GRM1: variants seen among roughly 807,000 people sequenced by gnomAD.
GRM1 encodes metabotropic glutamate receptor 1.
Under a neutral mutation model 90.9 loss-of-function variants are expected in GRM1, and 33 were observed. The ratio of observed to expected loss-of-function variants is 0.36; its 90% CI spans 0.28 to 0.49. The LOEUF is 0.49. Ranked by LOEUF, GRM1 falls within the 20% of genes least tolerant of loss-of-function variation. The pLI is 0.99. For missense variants in GRM1, 1,190 were observed against 1,534.3 expected (o/e 0.78, Z 3.75); for synonymous variants, 700 against 613.2 (o/e 1.14, Z -2.09).
intron 5 of GRM1, among the ~76,000 whole-genome samples, chr6:146,382,149 G>C (rs915367612): frequency 6.6e-6 from 1 of 152,050 alleles, no homozygotes; most frequent in South Asian, 2.1e-4. Context: ...CTATGACTCA[G>C]AGTTGACATA....
chr6:146,170,282 G>T (rs2128894254), intron 2 of GRM1, among the ~76,000 whole-genome samples: 1 of 152,070 alleles, frequency 6.6e-6, no homozygotes, highest in East Asian at 1.9e-4. Flanking sequence ...GTTCATTCTT[G>T]CATATGTAGA....
At chr6:146,412,000 A>C (rs1466807153) in intron 7 of GRM1, among the ~76,000 whole-genome samples, 1 of 152,126 alleles carries the variant, frequency 6.6e-6, no homozygotes, top group African/African-American at 2.4e-5. Flanking sequence ...GTTCATTACA[A>C]ATTTAAGATG....
upstream of GRM1, among the ~76,000 whole-genome samples, chr6:146,028,941 G>A (rs1790601658): frequency 6.6e-6 from 1 of 152,150 alleles, no homozygotes; most frequent in African/African-American, 2.4e-5. Context: ...GGTTTTAGGG[G>A]ACCAGGAAAC....
intron 2 of GRM1, among the ~76,000 whole-genome samples, chr6:146,264,544 GGTTACATGTGTAGGTTT>G (rs887515233): frequency 9.9e-5 from 15 of 151,456 alleles, no homozygotes; most frequent in Non-Finnish European, 1.6e-4. Flanking sequence ...TAGATTCGGG[GGTTACATGTGTAGGTTT>G]GTTACATGTG....
chr6:146,058,214 G>T (rs145898468), intron 1 of GRM1, among the ~76,000 whole-genome samples: 106 of 152,132 alleles, frequency 7.0e-4, no homozygotes, highest in African/African-American at 2.4e-3. Flanking sequence ...CCTAGTCTCA[G>T]TATTCATGAT....
intron 2 of GRM1, among the ~76,000 whole-genome samples, chr6:146,301,413 C>T (rs942418327): frequency 1.3e-5 from 2 of 152,184 alleles, no homozygotes; most frequent in African/African-American, 4.8e-5. Flanking sequence ...TCACACTTTT[C>T]TCTCCTTCTA....
chr6:146,066,109 C>G (rs759754054), intron 1 of GRM1, among the ~76,000 whole-genome samples: 1 of 152,058 alleles, frequency 6.6e-6, no homozygotes, highest in Non-Finnish European at 1.5e-5. Context: ...GTGCAGATTT[C>G]TTACAAAGGT....
chr6:146,178,178 A>T (rs377584020), intron 2 of GRM1, among the ~76,000 whole-genome samples: 8 of 152,256 alleles, frequency 5.3e-5, no homozygotes, highest in South Asian at 2.1e-4. Context: ...TTTGGGTATG[A>T]CAGTTTCTCA....
At chr6:146,166,275 T>C (rs1353425705) in intron 2 of GRM1, among the ~76,000 whole-genome samples, 1 of 152,126 alleles carries the variant, frequency 6.6e-6, no homozygotes, top group Non-Finnish European at 1.5e-5. Context: ...TTTCTTTTTT[T>C]ATTTTCCCCG....
chr6:146,389,197 G>C (rs1776622799), intron 6 of GRM1, among the ~76,000 whole-genome samples: 1 of 152,008 alleles, frequency 6.6e-6, no homozygotes. Context: ...GTTTGACTGA[G>C]ATCACAGCTG....
intron 2 of GRM1, among the ~76,000 whole-genome samples, chr6:146,199,136 C>G (rs1055822916): frequency 2.6e-5 from 4 of 152,202 alleles, no homozygotes; most frequent in African/African-American, 9.7e-5. Context: ...ACTAGTGTCC[C>G]TCTCACTAGT....
At chr6:146,197,383 C>T (rs1188192210) in intron 2 of GRM1, among the ~76,000 whole-genome samples, 1 of 152,170 alleles carries the variant, frequency 6.6e-6, no homozygotes, top group African/African-American at 2.4e-5. Flanking sequence ...ATGTGGTGCT[C>T]CAAGAAGGAT....
intron 3 of GRM1, among the ~76,000 whole-genome samples, chr6:146,337,018 C>G (rs979807798): frequency 5.3e-5 from 8 of 152,312 alleles, no homozygotes; most frequent in African/African-American, 1.2e-4. Context: ...TCTTGCTGAA[C>G]TTATTTGCCT....
chr6:146,043,365 C>G (rs148412254), intron 1 of GRM1, among the ~76,000 whole-genome samples: 124 of 151,956 alleles, frequency 8.2e-4, no homozygotes, highest in African/African-American at 3.0e-3. Context: ...ATTGCCTTTT[C>G]TAAGTAACAT....
chr6:146,412,568 T>C (rs1313136409), intron 7 of GRM1, among the ~76,000 whole-genome samples: 1 of 152,224 alleles, frequency 6.6e-6, no homozygotes, highest in African/African-American at 2.4e-5. Context: ...ATGTAGTAAG[T>C]AGATTTTAAG....
intron 2 of GRM1, among the ~76,000 whole-genome samples, chr6:146,302,604 T>A (rs1783430478): frequency 6.6e-6 from 1 of 151,612 alleles, no homozygotes; most frequent in Non-Finnish European, 1.5e-5. Context: ...TTGCCTAGGC[T>A]GGTCTCAAAT....
At chr6:146,182,947 C>A (rs1350621451) in intron 2 of GRM1, among the ~76,000 whole-genome samples, 4 of 151,964 alleles carry the variant, frequency 2.6e-5, no homozygotes, top group Non-Finnish European at 5.9e-5. Context: ...TGAATTTGTT[C>A]TTAATTCATA....
chr6:146,177,256 A>G (rs1778370448), intron 2 of GRM1, among the ~76,000 whole-genome samples: 1 of 152,094 alleles, frequency 6.6e-6, no homozygotes. Flanking sequence ...TAGAACTGAC[A>G]TGTATTCCCA....
intron 3 of GRM1, among the ~76,000 whole-genome samples, chr6:146,312,107 C>T (rs985335120): frequency 6.6e-6 from 1 of 151,736 alleles, no homozygotes; most frequent in African/African-American, 2.4e-5. Flanking sequence ...TTTGGGAGGC[C>T]GAGGTGGGCG....
Sources: allele counts gnomAD v4.1 joint callset (sites outside exome capture counted in the v4.1 genomes callset), GRCh38; gene constraint gnomAD v4.1.1; transcripts MANE v1.5; gene names NCBI Gene and HGNC (gene_info 2026-07-23, HGNC 2026-07-21).